SPMIP2: variants seen among roughly 807,000 people sequenced by gnomAD.
SPMIP2 encodes the protein protein SPMIP2.
At chr4:159,077,719 C>A in the SPMIP2 span, among the ~76,000 whole-genome samples, 24 of 152,092 alleles carry the variant, frequency 1.6e-4, no homozygotes, top group Non-Finnish European at 1.5e-5. Flanking sequence ...TAATTCATTT[C>A]GAACTCAGTG....
chr4:158,965,784 T>A, the SPMIP2 span, among the ~76,000 whole-genome samples: 1 of 152,176 alleles, frequency 6.6e-6, no homozygotes, highest in African/African-American at 2.4e-5. Flanking sequence ...TACAATTTGG[T>A]CTCTCAACAA....
At chr4:158,996,503 AAAATCCATTTGAGTGCTGCAAGTAATAGG>A in the SPMIP2 span, among the ~76,000 whole-genome samples, 2 of 152,250 alleles carry the variant, frequency 1.3e-5, no homozygotes, top group East Asian at 1.9e-4. Flanking sequence ...AGAACTAATA[AAAATCCATTTGAGTGCTGCAAGTAATAGG>A]AAATCCATTG....
At chr4:158,979,922 C>A in the SPMIP2 span, among the ~76,000 whole-genome samples, 9 of 152,052 alleles carry the variant, frequency 5.9e-5, no homozygotes, top group East Asian at 1.7e-3. Context: ...ATCCCCTCCC[C>A]ACAGAACCCA....
At chr4:158,975,585 G>T in the SPMIP2 span, among the ~76,000 whole-genome samples, 1 of 152,116 alleles carries the variant, frequency 6.6e-6, no homozygotes, top group African/African-American at 2.4e-5. Flanking sequence ...TTTTTGTCAG[G>T]TCTGTCAAAG....
At chr4:158,992,558 C>T in the SPMIP2 span, among the ~76,000 whole-genome samples, 1 of 87,242 alleles carries the variant, frequency 1.1e-5, no homozygotes, top group Non-Finnish European at 2.7e-5. Context: ...TACTTGCCAG[C>T]TGTCTTGGTT....
chr4:158,927,948 G>C, the SPMIP2 span, among the ~76,000 whole-genome samples: 1 of 152,248 alleles, frequency 6.6e-6, no homozygotes, highest in African/African-American at 2.4e-5. Flanking sequence ...GTGGGGCAGG[G>C]CTCAGGACCT....
At chr4:158,977,597 G>GTTTTTTT in the SPMIP2 span, among the ~76,000 whole-genome samples, 1 of 74,594 alleles carries the variant, frequency 1.3e-5, no homozygotes. Context: ...ATCTCCTTCA[G>GTTTTTTT]TTCTTTTTTT....
the SPMIP2 span, among the ~76,000 whole-genome samples, chr4:159,006,397 T>G: frequency 6.6e-6 from 1 of 152,192 alleles, no homozygotes; most frequent in African/African-American, 2.4e-5. Flanking sequence ...TGTGGGAAAA[T>G]GTACCACACC....
chr4:158,964,165 AAC>A, the SPMIP2 span, among the ~76,000 whole-genome samples: 25,351 of 129,072 alleles, frequency 0.2, 3,742 homozygotes, highest in Non-Finnish European at 0.29. Context: ...AACAAAACAA[AAC>A]AAAACAAAAC....
the SPMIP2 span, among the ~76,000 whole-genome samples, chr4:158,911,376 A>AAATAAATAAAT: frequency 2.0e-5 from 3 of 147,140 alleles, no homozygotes; most frequent in South Asian, 6.3e-4. Context: ...ATAAATAAAT[A>AAATAAATAAAT]AATAAATAAA....
At chr4:158,933,006 ATTTAT>A in the SPMIP2 span, among the ~76,000 whole-genome samples, 3 of 152,028 alleles carry the variant, frequency 2.0e-5, no homozygotes. Context: ...TTTATACTTT[ATTTAT>A]TTATTTGTTA....
chr4:159,052,380 C>A, the SPMIP2 span, among the ~76,000 whole-genome samples: 3 of 151,868 alleles, frequency 2.0e-5, no homozygotes, highest in Non-Finnish European at 4.4e-5. Flanking sequence ...AAAACAACAA[C>A]AACAACAACA....
At chr4:159,072,156 A>G in the SPMIP2 span, among the ~76,000 whole-genome samples, 2 of 152,148 alleles carry the variant, frequency 1.3e-5, no homozygotes, top group African/African-American at 4.8e-5. Flanking sequence ...TATACAAAAA[A>G]TACAGAAATT....
the SPMIP2 span, among the ~76,000 whole-genome samples, chr4:159,047,740 AG>A: frequency 6.6e-6 from 1 of 152,242 alleles, no homozygotes; most frequent in African/African-American, 2.4e-5. Flanking sequence ...GTTGACAGTG[AG>A]GTTGCCCAAT....
At chr4:158,939,706 G>A in the SPMIP2 span, among the ~76,000 whole-genome samples, 2 of 152,066 alleles carry the variant, frequency 1.3e-5, no homozygotes, top group Non-Finnish European at 2.9e-5. Flanking sequence ...GGCCGGGTGT[G>A]GTGGCTCACA....
At chr4:158,969,768 C>T in the SPMIP2 span, among the ~76,000 whole-genome samples, 4 of 152,162 alleles carry the variant, frequency 2.6e-5, no homozygotes, top group Non-Finnish European at 5.9e-5. Flanking sequence ...CTTATATAAA[C>T]CTGGAGCAGT....
chr4:158,961,415 T>C, the SPMIP2 span, among the ~76,000 whole-genome samples: 3 of 152,074 alleles, frequency 2.0e-5, no homozygotes, highest in African/African-American at 7.2e-5. Flanking sequence ...CACACATAAA[T>C]TGAACAAAGG....
the SPMIP2 span, among the ~76,000 whole-genome samples, chr4:158,962,053 T>C: frequency 6.6e-6 from 1 of 152,178 alleles, no homozygotes; most frequent in Non-Finnish European, 1.5e-5. Flanking sequence ...CCAATTTGGA[T>C]ATTTCCTACA....
the SPMIP2 span, among the ~76,000 whole-genome samples, chr4:159,034,873 A>T: frequency 6.6e-6 from 1 of 152,174 alleles, no homozygotes; most frequent in South Asian, 2.1e-4. Context: ...CCTGGGCGAC[A>T]GAGCGAGACT....
Sources: allele counts gnomAD v4.1 joint callset (sites outside exome capture counted in the v4.1 genomes callset), GRCh38; gene constraint gnomAD v4.1.1; transcripts MANE v1.5; gene names NCBI Gene and HGNC (gene_info 2026-07-23, HGNC 2026-07-21).